Variants in LARS2 observed in about 807,000 individuals in gnomAD.
The protein encoded by LARS2 is leucine--tRNA ligase, mitochondrial.
Under a neutral mutation model 116.6 loss-of-function variants are expected in LARS2, and 81 were observed. That is an observed-to-expected ratio of 0.69 (90% CI 0.58 to 0.84). The LOEUF (loss-of-function observed/expected upper bound fraction) is 0.84, where lower values mean the gene tolerates loss of function less well. Among genes scored for constraint, LARS2 ranks in the 40% least tolerant of loss-of-function variants. LARS2 has a pLI of 0.00. For synonymous variants in LARS2, 396 were observed against 407.2 expected (o/e 0.97, Z 0.33); for missense variants, 968 against 1,114.5 (o/e 0.87, Z 1.87).
At chr3:45,437,825 C>G (rs1438259230) in intron 6 of LARS2, among the ~76,000 whole-genome samples, 1 of 149,338 alleles carries the variant, frequency 6.7e-6, no homozygotes, top group East Asian at 2.0e-4. Flanking sequence ...GTCCTAAGTA[C>G]TTGGAATACA....
At chr3:45,482,117 C>T (rs892927352) in intron 10 of LARS2, among the ~76,000 whole-genome samples, 4 of 152,194 alleles carry the variant, frequency 2.6e-5, no homozygotes, top group Non-Finnish European at 4.4e-5. Flanking sequence ...CAGGCTGCTT[C>T]TGCCTCTTTA....
intron 6 of LARS2, among the ~76,000 whole-genome samples, chr3:45,425,453 A>G (rs550338303): frequency 6.6e-6 from 1 of 152,310 alleles, no homozygotes; most frequent in South Asian, 2.1e-4. Context: ...GAGTGTGGTT[A>G]TCTGCAGAGC....
chr3:45,488,100 A>T (rs1699846286), intron 11 of LARS2, among the ~76,000 whole-genome samples: 1 of 152,086 alleles, frequency 6.6e-6, no homozygotes, highest in East Asian at 1.9e-4. Flanking sequence ...TAGTGGCAAA[A>T]AAAAGCACTC....
At chr3:45,445,488 C>G (rs1358559889) in intron 6 of LARS2, among the ~76,000 whole-genome samples, 1 of 152,114 alleles carries the variant, frequency 6.6e-6, no homozygotes, top group Admixed American at 6.6e-5. Flanking sequence ...GCACGACACC[C>G]CTGTAGACAT....
At chr3:45,537,026 G>C (rs1274648624) in intron 20 of LARS2, among the ~76,000 whole-genome samples, 1 of 136,332 alleles carries the variant, frequency 7.3e-6, no homozygotes, top group African/African-American at 3.5e-5. Context: ...CTTTTGCTCT[G>C]TGTGTGTGTG....
intron 7 of LARS2, among the ~76,000 whole-genome samples, chr3:45,456,636 G>A (rs1699217099): frequency 6.6e-6 from 1 of 152,100 alleles, no homozygotes; most frequent in Admixed American, 6.5e-5. Context: ...CCCTAATACA[G>A]GCAGGGATAA....
chr3:45,482,579 C>A (rs1699721233), intron 10 of LARS2, among the ~76,000 whole-genome samples: 1 of 152,182 alleles, frequency 6.6e-6, no homozygotes, highest in South Asian at 2.1e-4. Context: ...ACTTCAAGAT[C>A]ACTCTAATTT....
intron 6 of LARS2, among the ~76,000 whole-genome samples, chr3:45,438,911 C>G (rs1023068008): frequency 2.6e-5 from 4 of 151,968 alleles, no homozygotes; most frequent in Non-Finnish European, 5.9e-5. Context: ...AGAGCTGGAT[C>G]CCAATGTGTC....
intron 6 of LARS2, among the ~76,000 whole-genome samples, chr3:45,420,096 G>A (rs1300140772): frequency 6.6e-6 from 1 of 152,164 alleles, no homozygotes; most frequent in Admixed American, 6.5e-5. Flanking sequence ...GACATTGATT[G>A]ACCATTTATT....
intron 19 of LARS2, among the ~76,000 whole-genome samples, chr3:45,523,652 A>C (rs1700488819): frequency 1.3e-5 from 2 of 151,346 alleles, no homozygotes; most frequent in Admixed American, 1.3e-4. Flanking sequence ...TCAGCCTCCT[A>C]AGTAACTGGG....
intron 19 of LARS2, among the ~76,000 whole-genome samples, chr3:45,523,013 C>T (rs9856178): frequency 0.017 from 2,648 of 152,106 alleles, 66 homozygotes; most frequent in African/African-American, 0.057. Context: ...TTTTTGGAGA[C>T]AAGGATAAAA....
intron 20 of LARS2, among the ~76,000 whole-genome samples, chr3:45,536,692 C>G (rs1272835802): frequency 6.6e-6 from 1 of 152,134 alleles, no homozygotes; most frequent in Non-Finnish European, 1.5e-5. Context: ...TGAAGCAAAG[C>G]GAAACCTAAT....
intron 8 of LARS2, among the ~76,000 whole-genome samples, chr3:45,473,587 T>C (rs1699563373): frequency 6.6e-6 from 1 of 151,976 alleles, no homozygotes; most frequent in African/African-American, 2.4e-5. Flanking sequence ...TTTCACCATG[T>C]TGGCCAGGCT....
At chr3:45,545,083 T>C (rs1363226612) in intron 21 of LARS2, among the ~76,000 whole-genome samples, 3 of 152,166 alleles carry the variant, frequency 2.0e-5, no homozygotes, top group Non-Finnish European at 4.4e-5. Context: ...GGGTGGAGCC[T>C]AGGTGGACAA....
At position 45,452,363 on chromosome 3, in the gene LARS2, C is replaced by T. The variant is rs188824029; in HGVS notation, c.606+5383C>T. 4.7e-5 allele frequency among the ~76,000 whole-genome samples: 7 copies of T among 150,046 alleles called. No individual in the cohort carries two copies. The East Asian group carries it at 1.4e-3, about 30-fold the overall frequency. On this transcript the variant is annotated intron_variant, in intron 7 of 21. Transcript: ENST00000645846. Reference sequence around the variant, plus strand: ...TTTATCATGTTGAGGTGTGTTCCTACTATACCCGATTTGTTGAGGTATTTT... The same window carrying T: ...TTTATCATGTTGAGGTGTGTTCCTATTATACCCGATTTGTTGAGGTATTTT...
At chr3:45,473,500 C>T (rs2125717843) in intron 8 of LARS2, among the ~76,000 whole-genome samples, 3 of 151,932 alleles carry the variant, frequency 2.0e-5, no homozygotes, top group Middle Eastern at 6.8e-3. Flanking sequence ...TCTCCTGCCT[C>T]AGCCTCCCAA....
chr3:45,406,635 A>G (rs1005174722), intron 4 of LARS2, among the ~76,000 whole-genome samples: 4 of 152,174 alleles, frequency 2.6e-5, no homozygotes, highest in Non-Finnish European at 4.4e-5. Flanking sequence ...TACCCGCATC[A>G]TGGATTTGTT....
At chr3:45,415,310 A>G (rs1316192996) in intron 4 of LARS2, among the ~76,000 whole-genome samples, 2 of 152,222 alleles carry the variant, frequency 1.3e-5, no homozygotes, top group Non-Finnish European at 2.9e-5. Context: ...GAAGGTGATT[A>G]GAGAGCAGTA....
intron 20 of LARS2, chr3:45,538,193 T>A (rs1575321063): frequency 6.6e-6 from 1 of 152,286 alleles, no homozygotes; most frequent in East Asian, 1.9e-4. Context: ...CCCACTCCCA[T>A]CTATATGGAA....
Sources: allele counts gnomAD v4.1 joint callset (sites outside exome capture counted in the v4.1 genomes callset), GRCh38; gene constraint gnomAD v4.1.1; transcripts MANE v1.5; gene names NCBI Gene and HGNC (gene_info 2026-07-23, HGNC 2026-07-21).